The following UMAD1 variants were observed in gnomAD, a reference collection of about 807,000 sequenced individuals.
UMAD1 encodes the protein UBAP1-MVB12-associated (UMA)-domain containing protein 1.
Under a neutral mutation model 6.1 loss-of-function variants are expected in UMAD1, and 8 were observed. The ratio of observed to expected loss-of-function variants is 1.30; its 90% CI spans 0.76 to 2.35. UMAD1 has a LOEUF of 2.35. Ranked by LOEUF, UMAD1 falls within the 30% of genes most tolerant of loss-of-function variation. UMAD1 has a pLI of 0.00. For synonymous variants in UMAD1, 56 were observed against 31.4 expected, an observed-to-expected ratio of 1.78 and a Z score of -2.61; for missense variants, 130 against 78.4, an observed-to-expected ratio of 1.66 and a Z score of -2.49.
At chr7:7,800,108 C>T (rs1782769141) in intron 2 of UMAD1, among the ~76,000 whole-genome samples, 1 of 152,208 alleles carries the variant, frequency 6.6e-6, no homozygotes, top group Admixed American at 6.5e-5. Flanking sequence ...GTCTCGATCT[C>T]CTGACCTCAA....
chr7:7,773,138 A>T (rs978588540), intron 2 of UMAD1, among the ~76,000 whole-genome samples: 6 of 152,222 alleles, frequency 3.9e-5, no homozygotes, highest in Non-Finnish European at 7.3e-5. Context: ...TGCCTTCAAA[A>T]CAAAGCTTAA....
chr7:7,835,751 G>C (rs188173929), intron 3 of UMAD1, among the ~76,000 whole-genome samples: 44 of 151,842 alleles, frequency 2.9e-4, no homozygotes, highest in African/African-American at 1.0e-3. Flanking sequence ...ATATGTGTAT[G>C]ATCTTACATC....
At chr7:7,661,409 C>T (rs114201700) in intron 1 of UMAD1, among the ~76,000 whole-genome samples, 1,952 of 152,182 alleles carry the variant, frequency 0.013, 54 homozygotes, top group African/African-American at 0.045. Flanking sequence ...TGGAATTTTC[C>T]GCCTTTTTGC....
At chr7:7,770,490 G>T (rs1782078615) in intron 2 of UMAD1, among the ~76,000 whole-genome samples, 3 of 152,194 alleles carry the variant, frequency 2.0e-5, no homozygotes, top group Admixed American at 6.5e-5. Context: ...AAGAGAGGTA[G>T]ATGGTCTGAG....
At chr7:7,755,162 A>T (rs998656836) in intron 2 of UMAD1, among the ~76,000 whole-genome samples, 5 of 152,214 alleles carry the variant, frequency 3.3e-5, no homozygotes, top group Non-Finnish European at 5.9e-5. Flanking sequence ...GGGATTAGAC[A>T]CAAATATTTT....
chr7:7,807,462 T>C (rs1344108176), intron 3 of UMAD1, among the ~76,000 whole-genome samples: 3 of 152,104 alleles, frequency 2.0e-5, no homozygotes, highest in Non-Finnish European at 4.4e-5. Flanking sequence ...CTATGCTACA[T>C]TGTAATTTTA....
intron 2 of UMAD1, chr7:7,741,906 A>C: frequency 5.0e-6 from 1 of 201,226 alleles, no homozygotes; most frequent in South Asian, 7.5e-5. Context: ...CTAAACAAAA[A>C]ATATTTTTAT....
intron 1 of UMAD1, among the ~76,000 whole-genome samples, chr7:7,665,483 ACT>A (rs973515176): frequency 5.3e-5 from 8 of 152,220 alleles, no homozygotes; most frequent in Admixed American, 5.2e-4. Context: ...GTGAACTAAA[ACT>A]TACATGTGAC....
At chr7:7,841,567 G>T (rs1353428055) in intron 3 of UMAD1, among the ~76,000 whole-genome samples, 1 of 152,124 alleles carries the variant, frequency 6.6e-6, no homozygotes, top group East Asian at 1.9e-4. Context: ...GCCTCCCAAA[G>T]TGCTAGGATT....
chr7:7,783,807 C>T (rs571474201), intron 2 of UMAD1, among the ~76,000 whole-genome samples: 27 of 152,266 alleles, frequency 1.8e-4, no homozygotes, highest in Non-Finnish European at 2.8e-4. Flanking sequence ...CGCGGTAATG[C>T]AGTTTGTTTT....
chr7:7,773,756 C>G (rs1782146269), intron 2 of UMAD1, among the ~76,000 whole-genome samples: 1 of 152,138 alleles, frequency 6.6e-6, no homozygotes, highest in Non-Finnish European at 1.5e-5. Flanking sequence ...TGTTGATTTT[C>G]TGGAGGAGAC....
chr7:7,775,711 A>G (rs1163697796), intron 2 of UMAD1, among the ~76,000 whole-genome samples: 1 of 152,220 alleles, frequency 6.6e-6, no homozygotes. Flanking sequence ...GTGGGAATAT[A>G]AAATGTTACA....
At chr7:7,723,045 G>C (rs1004713820) in intron 2 of UMAD1, among the ~76,000 whole-genome samples, 2 of 128 alleles carry the variant, frequency 0.016, no homozygotes, top group African/African-American at 0.071. Context: ...GGCCTCCCCT[G>C]AGCAGTTGCC....
intron 3 of UMAD1, among the ~76,000 whole-genome samples, chr7:7,821,583 A>C (rs892003314): frequency 2.6e-5 from 4 of 152,202 alleles, no homozygotes; most frequent in African/African-American, 9.6e-5. Flanking sequence ...TTAACCTCTG[A>C]ACAGTCAATT....
chr7:7,659,872 C>A (rs938833412), intron 1 of UMAD1, among the ~76,000 whole-genome samples: 3 of 152,066 alleles, frequency 2.0e-5, no homozygotes, highest in Non-Finnish European at 2.9e-5. Flanking sequence ...TTTTCTGTCT[C>A]GTTGATGTAT....
At chr7:7,681,948 GA>G (rs1175764429) in intron 2 of UMAD1, among the ~76,000 whole-genome samples, 1 of 152,026 alleles carries the variant, frequency 6.6e-6, no homozygotes, top group Non-Finnish European at 1.5e-5. Flanking sequence ...CAAAAAGAAG[GA>G]AAAATAACAA....
intron 3 of UMAD1, among the ~76,000 whole-genome samples, chr7:7,823,829 A>G (rs1033272678): frequency 6.6e-6 from 1 of 152,074 alleles, no homozygotes; most frequent in Non-Finnish European, 1.5e-5. Context: ...TAAAGTGATA[A>G]TATTGATTCG....
In UMAD1 at chr7:7,760,254, A is replaced by G. The variant is rs74753592; in HGVS notation, c.83-41416A>G. 4.8e-3 allele frequency among the ~76,000 whole-genome samples: 737 copies of G among 152,122 alleles called. 7 individuals carry two copies. Among genetic ancestry groups the G allele is most frequent in the African/African-American group, 0.017 (691 of 41,484 alleles). ...GTCCTTCAACTGTTTTCTGACTACC[A>G]GTACCCTAGAGCAACCTCTAACATC... On this transcript the variant is annotated intron_variant, in intron 2 of 3. Coordinates refer to ENST00000682710, the MANE Select transcript of UMAD1 (RefSeq NM_001302348.2).
intron 2 of UMAD1, among the ~76,000 whole-genome samples, chr7:7,719,526 T>A (rs1347707021): frequency 6.6e-6 from 1 of 152,218 alleles, no homozygotes; most frequent in Non-Finnish European, 1.5e-5. Flanking sequence ...ATTATACTTT[T>A]GAATGTATTC....
Sources: allele counts gnomAD v4.1 joint callset (sites outside exome capture counted in the v4.1 genomes callset), GRCh38; gene constraint gnomAD v4.1.1; transcripts MANE v1.5; gene names NCBI Gene and HGNC (gene_info 2026-07-23, HGNC 2026-07-21).